Variants in FGF14 observed in about 807,000 individuals in gnomAD.
The protein encoded by FGF14 is fibroblast growth factor homologous factor 4.
A neutral mutation model predicts 25.5 loss-of-function variants in FGF14; 5 were observed. The ratio of observed to expected loss-of-function variants is 0.20; its 90% CI spans 0.10 to 0.41. The LOEUF is 0.41. Ranked by LOEUF, FGF14 falls within the 10% of genes least tolerant of loss-of-function variation. The pLI is 1.00. For synonymous variants in FGF14, 138 were observed against 118.3 expected (o/e 1.17, Z -1.08); for missense variants, 222 against 320.1 (o/e 0.69, Z 2.34).
chr13:102,315,018 G>A (rs1297743386), intron 1 of FGF14, among the ~76,000 whole-genome samples: 1 of 150,216 alleles, frequency 6.7e-6, no homozygotes, highest in African/African-American at 2.4e-5. Context: ...TTCACATAAT[G>A]TTACACACAC....
intron 1 of FGF14, among the ~76,000 whole-genome samples, chr13:101,911,611 C>T (rs1324560235): frequency 2.0e-5 from 3 of 152,060 alleles, no homozygotes; most frequent in Non-Finnish European, 4.4e-5. Context: ...TTGTCTCTAA[C>T]ATTATTTCAT....
chr13:102,268,628 G>T (rs1020217717), intron 1 of FGF14, among the ~76,000 whole-genome samples: 19 of 151,906 alleles, frequency 1.3e-4, no homozygotes, highest in Non-Finnish European at 5.9e-5. Flanking sequence ...TTTCTGACCT[G>T]TTATATTTTA....
At chr13:102,000,673 G>A (rs532296781) in intron 1 of FGF14, among the ~76,000 whole-genome samples, 33 of 152,158 alleles carry the variant, frequency 2.2e-4, no homozygotes, top group East Asian at 1.9e-4. Flanking sequence ...TCCCTTTATC[G>A]CTGGCTTTTT....
At chr13:101,954,453 G>A (rs2036383893) in intron 1 of FGF14, among the ~76,000 whole-genome samples, 1 of 152,158 alleles carries the variant, frequency 6.6e-6, no homozygotes, top group Non-Finnish European at 1.5e-5. Flanking sequence ...GAAGAAACAC[G>A]TAAAAGCAAG....
chr13:101,749,788 G>T (rs1055332620), intron 3 of FGF14, among the ~76,000 whole-genome samples: 4 of 152,094 alleles, frequency 2.6e-5, no homozygotes, highest in African/African-American at 7.2e-5. Flanking sequence ...CTATCAGATA[G>T]TTTAAAAAAT....
chr13:102,118,685 G>A (rs1240617205), intron 1 of FGF14, among the ~76,000 whole-genome samples: 2 of 151,894 alleles, frequency 1.3e-5, no homozygotes, highest in African/African-American at 4.8e-5. Context: ...TGATTGAATA[G>A]TATTCTATCA....
chr13:102,297,218 T>C (rs908205789), intron 1 of FGF14, among the ~76,000 whole-genome samples: 2 of 152,072 alleles, frequency 1.3e-5, no homozygotes, highest in South Asian at 2.1e-4. Context: ...CAAATTCAAA[T>C]TGAAGAACAT....
intron 1 of FGF14, among the ~76,000 whole-genome samples, chr13:101,990,842 TCA>T (rs2038861266): frequency 1.3e-5 from 2 of 152,240 alleles, no homozygotes; most frequent in South Asian, 2.1e-4. Context: ...TCCTGAAATC[TCA>T]GTTTTTCACA....
At chr13:101,791,091 G>A (rs967919595) in intron 3 of FGF14, among the ~76,000 whole-genome samples, 1 of 152,140 alleles carries the variant, frequency 6.6e-6, no homozygotes, top group African/African-American at 2.4e-5. Flanking sequence ...AGGAACACTT[G>A]GTGGGCAAGG....
At chr13:102,346,738 G>A (rs946664526) in intron 1 of FGF14, among the ~76,000 whole-genome samples, 1 of 151,944 alleles carries the variant, frequency 6.6e-6, no homozygotes, top group African/African-American at 2.4e-5. Flanking sequence ...ATTAATTGCT[G>A]ATTTTAAATT....
At chr13:101,974,833 C>T (rs747658671) in intron 1 of FGF14, among the ~76,000 whole-genome samples, 2 of 152,116 alleles carry the variant, frequency 1.3e-5, no homozygotes, top group Non-Finnish European at 2.9e-5. Flanking sequence ...AGATATCCAA[C>T]AAATTCTTGT....
chr13:102,196,058 C>T (rs940951925), intron 1 of FGF14, among the ~76,000 whole-genome samples: 1 of 152,106 alleles, frequency 6.6e-6, no homozygotes, highest in African/African-American at 2.4e-5. Flanking sequence ...TATGTGTCAC[C>T]TCTTAATAGA....
chr13:101,881,845 T>C (rs2045727871), intron 1 of FGF14, among the ~76,000 whole-genome samples: 1 of 152,324 alleles, frequency 6.6e-6, no homozygotes, highest in African/African-American at 2.4e-5. Context: ...TCCTTGTTAA[T>C]ATGTCAATGA....
intron 1 of FGF14, among the ~76,000 whole-genome samples, chr13:102,082,826 C>T (rs1467873162): frequency 4.0e-5 from 6 of 151,118 alleles, no homozygotes; most frequent in African/African-American, 1.2e-4. Context: ...GGCGTAGTGG[C>T]GGGCGCCTGT....
intron 1 of FGF14, among the ~76,000 whole-genome samples, chr13:102,278,643 T>TATATATATATAC (rs533976591): frequency 2.0e-5 from 3 of 146,934 alleles, no homozygotes; most frequent in African/African-American, 7.9e-5. Context: ...TATATATATA[T>TATATATATATAC]ATACATACAC....
At chr13:102,142,079 C>T (rs752914590) in intron 1 of FGF14, among the ~76,000 whole-genome samples, 5 of 152,052 alleles carry the variant, frequency 3.3e-5, no homozygotes, top group African/African-American at 4.8e-5. Flanking sequence ...AATTAAATGG[C>T]TACCAAGAAA....
chr13:101,809,996 C>T (rs1459187909), intron 3 of FGF14, among the ~76,000 whole-genome samples: 2 of 152,180 alleles, frequency 1.3e-5, no homozygotes, highest in Non-Finnish European at 2.9e-5. Context: ...ACAGAATCCA[C>T]AGCTTAATCA....
intron 1 of FGF14, among the ~76,000 whole-genome samples, chr13:101,995,989 A>G (rs1375635681): frequency 6.6e-6 from 1 of 152,196 alleles, no homozygotes; most frequent in Admixed American, 6.5e-5. Flanking sequence ...ACATTTTAAA[A>G]TAATGTAAAG....
intron 1 of FGF14, among the ~76,000 whole-genome samples, chr13:102,363,086 G>T (rs1015774003): frequency 5.3e-4 from 81 of 152,162 alleles, no homozygotes; most frequent in African/African-American, 1.9e-3. Context: ...GTGGTAACAT[G>T]AAATACAATA....
Sources: allele counts gnomAD v4.1 joint callset (sites outside exome capture counted in the v4.1 genomes callset), GRCh38; gene constraint gnomAD v4.1.1; transcripts MANE v1.5; gene names NCBI Gene and HGNC (gene_info 2026-07-23, HGNC 2026-07-21).